Variants in RORC observed in about 807,000 individuals in gnomAD.
The protein encoded by RORC is nuclear receptor ROR-gamma.
Under a neutral mutation model 64.5 loss-of-function variants are expected in RORC, and 13 were observed. The observed-to-expected ratio is 0.20, with a 90% CI of 0.13 to 0.32. RORC has a LOEUF of 0.32. Ranked by LOEUF, RORC falls within the 10% of genes least tolerant of loss-of-function variation. The pLI is 1.00. For synonymous variants in RORC, 277 were observed against 259.3 expected (o/e 1.07, Z -0.65); for missense variants, 468 against 669.5 (o/e 0.70, Z 3.32).
At chr1:151,820,070 T>C (rs1486053283) in intron 2 of RORC, among the ~76,000 whole-genome samples, 1 of 152,114 alleles carries the variant, frequency 6.6e-6, no homozygotes, top group African/African-American at 2.4e-5. Context: ...AAATCCACGC[T>C]TGTATCCTGG....
chr1:151,831,777 T>G lies in RORC; in HGVS notation c.-13A>C, dbSNP rs763344890. The G allele has an allele frequency of 6.2e-7, 1 of 1,607,650 alleles. No individual in the cohort carries two copies. ...GGGCCCTGTCCATGGGGCAGCTCCC[T>G]TGGTGCCGTCCTGGCTGCCCTGGCT... On this transcript the variant is annotated 5_prime_UTR_variant, in exon 1 of 11. Coordinates refer to ENST00000318247, the MANE Select transcript of RORC (RefSeq NM_005060.4).
At chr1:151,824,496 G>A (rs993152950) in intron 2 of RORC, among the ~76,000 whole-genome samples, 6 of 152,202 alleles carry the variant, frequency 3.9e-5, no homozygotes, top group Admixed American at 6.5e-5. Flanking sequence ...GAAGGGAAAC[G>A]GAAGCTCCAA....
At chr1:151,826,014 C>A (rs185755543) in intron 2 of RORC, 2 of 1,603,434 alleles carry the variant, frequency 1.2e-6, no homozygotes, top group East Asian at 2.2e-5. Context: ...GTGCAGCTGG[C>A]GGCAGAGGCG....
At chr1:151,817,618 G>A (rs1651819198) in intron 2 of RORC, among the ~76,000 whole-genome samples, 1 of 152,190 alleles carries the variant, frequency 6.6e-6, no homozygotes, top group Non-Finnish European at 1.5e-5. Context: ...CCCGCCTTGG[G>A]ACATAGGACT....
chr1:151,813,972 C>G (rs1447589496), intron 6 of RORC: 1 of 237,650 alleles, frequency 4.2e-6, no homozygotes, highest in Non-Finnish European at 8.2e-6. Context: ...CCTGGAGAAG[C>G]AAATGTGAAG....
At position 151,814,561 on chromosome 1, in the gene RORC, C is replaced by T. The variant is rs141521274; in HGVS notation, c.933+13G>A. ...TGGGATACGTTCCCTTCCTGCAGGTCTCCTGGCCTCACCTTCCTCTGGTAG... is the reference window on the plus strand; with the variant it reads ...TGGGATACGTTCCCTTCCTGCAGGTTTCCTGGCCTCACCTTCCTCTGGTAG... On this transcript the variant is annotated intron_variant, in intron 6 of 10. Transcript: ENST00000318247. 209 of 1,607,966 alleles carry T rather than the reference C, an allele frequency of 1.3e-4. No individual in the cohort carries two copies. The highest frequency in any genetic ancestry group is 3.0e-4 in the Admixed American group (18 of 59,674).
chr1:151,812,966 G>C lies in RORC; in HGVS notation c.1266C>G (p.Ala422=). The C allele has an allele frequency of 6.2e-7, 1 of 1,612,688 alleles. No homozygotes were observed. The highest frequency in any genetic ancestry group is 8.5e-7 in the Non-Finnish European group (1 of 1,178,692). ...FSEDEIALYT[A]LVLINAHRPG... ...ACTCACGGGCATTGATGAGAACAAG[G>C]GCTGTGTAGAGGGCAATCTCATCCT... The change falls in exon 9 of 11, where the codon GCC becomes GCG. Residue 422 remains alanine (A), a synonymous_variant. Transcript: ENST00000318247.
chr1:151,823,482 G>T (rs1461326206), intron 2 of RORC, among the ~76,000 whole-genome samples: 1 of 152,176 alleles, frequency 6.6e-6, no homozygotes, highest in African/African-American at 2.4e-5. Context: ...TGCCATCCTT[G>T]TCAGAGCCAC....
chr1:151,810,258 T>C (rs1029815950), intron 10 of RORC, among the ~76,000 whole-genome samples: 2 of 152,112 alleles, frequency 1.3e-5, no homozygotes, highest in Non-Finnish European at 2.9e-5. Context: ...TATTGTTCCC[T>C]AAGCCTGGAA....
Position 151,807,133 on chromosome 1 carries a change from G to T in RORC, c.*339C>A, listed in dbSNP as rs145623858. 3 of 233,242 alleles carry T rather than the reference G, an allele frequency of 1.3e-5. No homozygotes were observed. The highest frequency in any genetic ancestry group is 6.7e-5 in the African/African-American group (3 of 44,664). 14.4% of individuals were successfully genotyped at this position (233,242 alleles called of 1,614,324 possible). A position where few individuals can be genotyped will look rare whatever the true frequency, so the allele number is the denominator to read the frequency against. On this transcript the variant is annotated 3_prime_UTR_variant, in exon 11 of 11. Coordinates refer to ENST00000318247, the MANE Select transcript of RORC (RefSeq NM_005060.4). The surrounding 1 kb of genome is among the most constrained non-coding windows in gnomAD (Gnocchi z 5.0). ...GCATTCTATTCATCCAGGGAGCCCTGGATGCCCCTGTTTTCTTGAGGATGT... is the reference window on the plus strand; with the variant it reads ...GCATTCTATTCATCCAGGGAGCCCTTGATGCCCCTGTTTTCTTGAGGATGT...
In RORC at chr1:151,823,857, C is replaced by T. The variant is rs138059891; in HGVS notation, c.70+5572G>A. ...ACAGCGGCTCACTTTGTTGCCCAGG[C>T]TGGTCTCAAACTCCTGGCCTCAAGC... On this transcript the variant is annotated intron_variant, in intron 2 of 10. Coordinates refer to ENST00000318247, the MANE Select transcript of RORC (RefSeq NM_005060.4). 7.6e-3 allele frequency among the ~76,000 whole-genome samples: 1,153 copies of T among 152,256 alleles called. 14 individuals carry two copies. Among genetic ancestry groups the T allele is most frequent in the African/African-American group, 0.027 (1,122 of 41,554 alleles).
At chr1:151,826,171 T>C (rs1652189342) in intron 2 of RORC, 1 of 1,118,074 alleles carries the variant, frequency 8.9e-7, no homozygotes, top group African/African-American at 1.6e-5. Context: ...GTGCAGTGAG[T>C]AGGATGACAG....
Position 151,815,069 on chromosome 1 carries a change from T to C in RORC, c.655A>G (p.Ser219Gly). 6.2e-7 allele frequency: 1 copy of C among 1,614,236 alleles called. No individual in the cohort carries two copies. Among genetic ancestry groups the C allele is most frequent in the Non-Finnish European group, 8.5e-7 (1 of 1,180,038 alleles). ...TCAGGGGTCAGCTGGCTGCCTGTGCTATAGAAGCTCTCTCTGCCCTCAGCC... is the reference window on the plus strand; with the variant it reads ...TCAGGGGTCAGCTGGCTGCCTGTGCCATAGAAGCTCTCTCTGCCCTCAGCC... Reference protein sequence around the residue: ...GKAEGRESFYSTGSQLTPDRC... With the variant: ...GKAEGRESFYGTGSQLTPDRC... The change falls in exon 5 of 11, where the codon AGC (serine) becomes GGC (glycine). Residue 219 changes from serine to glycine, a missense_variant. By Grantham distance (56) the Ser-to-Gly change is moderately conservative (BLOSUM62 0). Around this residue, in one of 5 missense-constraint regions of RORC, gnomAD observed 241 missense variants for 295.5 expected, o/e 0.82. Coordinates refer to ENST00000318247, the MANE Select transcript of RORC (RefSeq NM_005060.4).
intron 2 of RORC, among the ~76,000 whole-genome samples, chr1:151,824,394 C>G (rs1470935292): frequency 6.6e-6 from 1 of 152,204 alleles, no homozygotes; most frequent in African/African-American, 2.4e-5. Context: ...AGAAGCACAC[C>G]TAGTCATTTC....
chr1:151,831,036 C>G, intron 1 of RORC: 1 of 1,289,342 alleles, frequency 7.8e-7, no homozygotes, highest in Non-Finnish European at 1.0e-6. Flanking sequence ...GCCCTGCGAT[C>G]CTGCTCTGAG....
In RORC at chr1:151,814,944, C is replaced by T. The variant is rs1010853863; in HGVS notation, c.780G>A (p.Pro260=). ...CTGTCAGGGAGGCATAGGGTGCCTC[C>T]GGTGTGCTGCGGAAACTGGGGCTGC... ...SYGSPSFRST[P]EAPYASLTEI... is the part of the protein sequence containing the mutation. Residue 260 remains proline (P), a synonymous_variant, in exon 5 of 11, where the codon CCG becomes CCA. Coordinates refer to ENST00000318247, the MANE Select transcript of RORC (RefSeq NM_005060.4). 8.7e-6 allele frequency: 14 copies of T among 1,614,020 alleles called. No homozygotes were observed. The highest frequency in any genetic ancestry group is 2.2e-5 in the East Asian group (1 of 44,880).
Position 151,811,333 on chromosome 1 carries a change from G to C in RORC, c.1387C>G (p.Leu463Val). ...CCAGGGACTGCTCCTACCTTTGCCA[G>C]GATGCTTTGGCGATGAGTCTTGCAG... ...HLCKTHRQSI[L>V]AKLPPKGKLR... Residue 463 changes from leucine (L) to valine (V), a missense_variant, in exon 10 of 11, where the codon CTG becomes GTG. Transcript: ENST00000318247. 4 of 1,611,194 alleles carry C rather than the reference G, an allele frequency of 2.5e-6. No homozygotes were observed. The highest frequency in any genetic ancestry group is 3.4e-6 in the Non-Finnish European group (4 of 1,177,382).
rs373190522 is a variant in RORC, at chr1:151,807,661, G to C, written c.1396-28C>G. 6 of 1,611,722 alleles carry C rather than the reference G, an allele frequency of 3.7e-6. No individual in the cohort carries two copies. Among genetic ancestry groups the C allele is most frequent in the Non-Finnish European group, 4.2e-6 (5 of 1,178,432 alleles). ...GGATATGGGTTAATGGGGAAGGGAG[G>C]GTCAATACTTCAGCTCTCCTCAGAG... On this transcript the variant is annotated intron_variant, in intron 10 of 10. Coordinates refer to ENST00000318247, the MANE Select transcript of RORC (RefSeq NM_005060.4). This position sits in a 1 kb window ranked among gnomAD's most constrained non-coding sequence, Gnocchi z 5.0.
chr1:151,813,248 G>C lies in RORC; in HGVS notation c.1165C>G (p.Arg389Gly), dbSNP rs1558164428. 1 of 1,613,672 alleles carries C rather than the reference G, an allele frequency of 6.2e-7. No individual in the cohort carries two copies. Among genetic ancestry groups the C allele is most frequent in the African/African-American group, 1.3e-5 (1 of 74,908 alleles). ...TCTCCCTGCCCCTCACCCAAGGCTC[G>C]GAACAGCTCCATGCCACCGTATTTG... is the stretch of plus-strand genomic sequence containing the variant. ...EGKYGGMELF[R>G]ALGCSELISS... Residue 389 changes from arginine (R) to glycine (G), a missense_variant, in exon 8 of 11, where the codon CGA becomes GGA. Around this residue, in one of 5 missense-constraint regions of RORC, gnomAD observed 100 missense variants for 190.8 expected, o/e 0.52. Transcript: ENST00000318247.
Sources: allele counts gnomAD v4.1 joint callset (sites outside exome capture counted in the v4.1 genomes callset), GRCh38; gene constraint gnomAD v4.1.1; regional missense constraint gnomAD v4.1.1; non-coding constraint Gnocchi (gnomAD v3.1); transcripts MANE v1.5; gene names NCBI Gene and HGNC (gene_info 2026-07-23, HGNC 2026-07-21).